TAOK1: variants seen among roughly 807,000 people sequenced by gnomAD.
TAOK1 encodes the protein TAO kinase 1.
A neutral mutation model predicts 138.3 loss-of-function variants in TAOK1; 21 were observed. The ratio of observed to expected loss-of-function variants is 0.15; its 90% CI spans 0.11 to 0.22. The LOEUF is 0.22. TAOK1 is among the 10% of genes least tolerant of loss of function. TAOK1 has a pLI of 1.00. For synonymous variants in TAOK1, 361 were observed against 398.4 expected (o/e 0.91, Z 1.12); for missense variants, 651 against 1,227.7 (o/e 0.53, Z 7.02).
intron 10 of TAOK1, among the ~76,000 whole-genome samples, chr17:29,494,038 G>A (rs371038032): frequency 1.3e-5 from 2 of 151,950 alleles, no homozygotes; most frequent in African/African-American, 2.4e-5. Context: ...TGCCTCAGCC[G>A]CCCGAGTAGC....
intron 1 of TAOK1, among the ~76,000 whole-genome samples, chr17:29,444,145 A>G (rs2030020468): frequency 6.6e-6 from 1 of 151,350 alleles, no homozygotes; most frequent in Non-Finnish European, 1.5e-5. Flanking sequence ...TATAGTTTAT[A>G]CACTTATATT....
chr17:29,433,856 A>C (rs570642899), intron 1 of TAOK1, among the ~76,000 whole-genome samples: 205 of 152,136 alleles, frequency 1.3e-3, no homozygotes, highest in Non-Finnish European at 2.5e-3. Context: ...AAGGACACGG[A>C]CGAAGACCGA....
At chr17:29,517,149 G>T (rs1371903737) in intron 15 of TAOK1, among the ~76,000 whole-genome samples, 1 of 151,958 alleles carries the variant, frequency 6.6e-6, no homozygotes, top group African/African-American at 2.4e-5. Flanking sequence ...ACCATGCCCG[G>T]CTAATTTTTT....
intron 1 of TAOK1, chr17:29,445,228 T>A (rs2030046943): frequency 6.6e-6 from 1 of 152,302 alleles, no homozygotes; most frequent in Admixed American, 6.5e-5. Flanking sequence ...GAATGGGGTA[T>A]CCATCCCCCC....
At chr17:29,419,258 A>T in intron 1 of TAOK1, among the ~76,000 whole-genome samples, 1 of 151,402 alleles carries the variant, frequency 6.6e-6, no homozygotes, top group Non-Finnish European at 1.5e-5. Flanking sequence ...GTGCAATGGC[A>T]TGCTCTCGGC....
chr17:29,409,333 ATTTTT>A (rs869195465), intron 1 of TAOK1, among the ~76,000 whole-genome samples: 84 of 59,020 alleles, frequency 1.4e-3, no homozygotes, highest in African/African-American at 5.4e-3. Flanking sequence ...ATATATATAT[ATTTTT>A]TTTTTTTTTT....
In TAOK1 at chr17:29,492,306, G is replaced by A. The variant is rs559781927; in HGVS notation, c.831+441G>A. On this transcript the variant is annotated intron_variant, in intron 10 of 19. Coordinates refer to ENST00000261716, the MANE Select transcript of TAOK1 (RefSeq NM_020791.4). ...TAATAAAATACTAGTTTTTTATGCC[G>A]TTGTTTCTGATAACTTTTCTTAGAT... Among the ~76,000 whole-genome samples, 12 of 152,144 alleles carry A rather than the reference G, an allele frequency of 7.9e-5. No homozygotes were observed. In the South Asian group the frequency reaches 1.7e-3, roughly 21 times the overall value.
chr17:29,475,702 T>C lies in TAOK1; in HGVS notation c.237T>C (p.Phe79=). The part of the protein sequence containing the change: ...KWQDIIKEVK[F]LQRIKHPNSI... The stretch of plus-strand genomic sequence containing the variant: ...AGGATATTATTAAGGAAGTCAAGTT[T>C]CTACAAAGAATAAAACATCCCAACA... The change falls in exon 4 of 20, where the codon TTT becomes TTC. Residue 79 remains phenylalanine, a synonymous_variant. Transcript: ENST00000261716. 1 of 1,613,106 alleles carries C rather than the reference T, an allele frequency of 6.2e-7. No individual in the cohort carries two copies. Among genetic ancestry groups the C allele is most frequent in the Non-Finnish European group, 8.5e-7 (1 of 1,179,612 alleles).
intron 2 of TAOK1, among the ~76,000 whole-genome samples, chr17:29,462,347 C>CT (rs2030550602): frequency 6.6e-6 from 1 of 152,140 alleles, no homozygotes; most frequent in South Asian, 2.1e-4. Context: ...TAAACATAAT[C>CT]TTTTAGTTTC....
chr17:29,417,885 C>T (rs751134894), intron 1 of TAOK1, among the ~76,000 whole-genome samples: 4 of 152,018 alleles, frequency 2.6e-5, no homozygotes, highest in African/African-American at 4.8e-5. Context: ...GATTCTCTCT[C>T]TTCTCTCTCT....
At chr17:29,502,295 TGGCCCGTGCCTG>T (rs1403901377) in intron 12 of TAOK1, among the ~76,000 whole-genome samples, 2 of 152,220 alleles carry the variant, frequency 1.3e-5, no homozygotes, top group Admixed American at 1.3e-4. Context: ...CCTGGCCTGA[TGGCCCGTGCCTG>T]TAGTTCCAGC....
intron 6 of TAOK1, 144 bp downstream of exon 6, chr17:29,478,491 A>G: frequency 2.0e-6 from 1 of 504,290 alleles, no homozygotes; most frequent in Non-Finnish European, 3.4e-6. Flanking sequence ...TTCATGTCCT[A>G]AAATGAACAT....
chr17:29,471,030 G>C (rs1259154183), intron 3 of TAOK1, among the ~76,000 whole-genome samples: 2 of 152,108 alleles, frequency 1.3e-5, no homozygotes, highest in Middle Eastern at 3.4e-3. Context: ...GGAGGCTGAG[G>C]CAGGATAATC....
chr17:29,452,262 GA>G (rs1285763616), intron 2 of TAOK1, among the ~76,000 whole-genome samples: 1 of 151,618 alleles, frequency 6.6e-6, no homozygotes, highest in African/African-American at 2.4e-5. Context: ...ATGAAAGAAA[GA>G]AAAAGAAAAA....
intron 1 of TAOK1, among the ~76,000 whole-genome samples, chr17:29,438,031 C>T (rs114845857): frequency 0.011 from 1,629 of 152,082 alleles, 36 homozygotes; most frequent in African/African-American, 0.037. Flanking sequence ...CGTGCCCGGC[C>T]GTAACTGCCT....
intron 1 of TAOK1, among the ~76,000 whole-genome samples, chr17:29,408,562 A>G (rs1236097303): frequency 6.6e-6 from 1 of 152,032 alleles, no homozygotes; most frequent in Non-Finnish European, 1.5e-5. Flanking sequence ...TTTATTTGCA[A>G]TAATTTCACA....
rs2150784129 is a variant in TAOK1, at chr17:29,551,575, G to A, written c.*8553G>A. 6.5e-6 allele frequency: 1 copy of A among 152,724 alleles called. No homozygotes were observed. Among genetic ancestry groups the A allele is most frequent in the African/African-American group, 2.4e-5 (1 of 41,548 alleles). The allele number at this position is 152,724 out of a possible 1,614,324, so 9.5% of individuals were successfully genotyped here. ...GAGGCTTATCAAGGGTTGCATTGGG[G>A]AAGAAGCCTCTCCCTCTCTGTCAGC... is the stretch of plus-strand genomic sequence containing the variant. On this transcript the variant is annotated 3_prime_UTR_variant, in exon 20 of 20. Coordinates refer to ENST00000261716, the MANE Select transcript of TAOK1 (RefSeq NM_020791.4).
At chr17:29,418,415 AG>A (rs1905322122) in intron 1 of TAOK1, among the ~76,000 whole-genome samples, 2 of 151,766 alleles carry the variant, frequency 1.3e-5, no homozygotes, top group African/African-American at 4.8e-5. Context: ...ATGTTACCCA[AG>A]CTGGTCTCCA....
rs1013627062 is a variant in TAOK1, at chr17:29,534,043, C to T, written c.2362-75C>T. 406 of 1,423,306 alleles carry T rather than the reference C, an allele frequency of 2.9e-4. 2 individuals carry two copies. The highest frequency in any genetic ancestry group is 5.5e-5 in the Non-Finnish European group (59 of 1,081,154). 88.2% of individuals were successfully genotyped at this position (1,423,306 alleles called of 1,614,324 possible). Reference sequence around the variant, plus strand: ...TAGTCTGTCTTCTAACACTCCTCCTCCTTTCCATAGGTCATGAATTGATAG... The same window carrying T: ...TAGTCTGTCTTCTAACACTCCTCCTTCTTTCCATAGGTCATGAATTGATAG... On this transcript the variant is annotated intron_variant, in intron 18 of 19. Transcript: ENST00000261716.
Sources: allele counts gnomAD v4.1 joint callset (sites outside exome capture counted in the v4.1 genomes callset), GRCh38; gene constraint gnomAD v4.1.1; transcripts MANE v1.5; gene names NCBI Gene and HGNC (gene_info 2026-07-23, HGNC 2026-07-21).